ARNT: variants seen among roughly 807,000 people sequenced by gnomAD.
ARNT encodes aryl hydrocarbon receptor nuclear translocator.
A neutral mutation model predicts 105.0 loss-of-function variants in ARNT; 30 were observed. The ratio of observed to expected loss-of-function variants is 0.29; its 90% CI spans 0.21 to 0.39. ARNT has a LOEUF of 0.39. ARNT is among the 10% of genes least tolerant of loss of function. ARNT has a pLI of 1.00. For missense variants in ARNT, 748 were observed against 978.7 expected, an observed-to-expected ratio of 0.76 and a Z score of 3.15; for synonymous variants, 304 against 344.0, an observed-to-expected ratio of 0.88 and a Z score of 1.29.
intron 2 of ARNT, among the ~76,000 whole-genome samples, chr1:150,854,857 C>CAA (rs769273005): frequency 0.024 from 741 of 31,444 alleles, 6 homozygotes; most frequent in Non-Finnish European, 0.033. Flanking sequence ...AACTACATCT[C>CAA]AAAAAAAAAA....
chr1:150,829,995 C>A lies in ARNT; in HGVS notation c.956-15G>T. ...GAGGGAAACACCTTCAGAAACGTGA[C>A]GTTAAAAGGTTTAACGGGGACCTCC... On this transcript the variant is annotated splice_polypyrimidine_tract_variant and intron_variant, in intron 10 of 21. Transcript: ENST00000358595. 6.2e-7 allele frequency: 1 copy of A among 1,614,016 alleles called. No individual in the cohort carries two copies. The highest frequency in any genetic ancestry group is 8.5e-7 in the Non-Finnish European group (1 of 1,179,952).
Position 150,814,263 on chromosome 1 carries a change from A to G in ARNT, c.1951-24T>C, listed in dbSNP as rs764343466. The G allele has an allele frequency of 1.1e-5, 18 of 1,609,922 alleles. No homozygotes were observed. In the South Asian group the frequency reaches 1.7e-4, roughly 15 times the overall value. On this transcript the variant is annotated intron_variant, in intron 19 of 21. Coordinates refer to ENST00000358595, the MANE Select transcript of ARNT (RefSeq NM_001668.4). ...TGCTAAAGAGAGATGGAGAGGGGAT[A>G]TAGAACAAATACAGCATTAACATCA...
intron 1 of ARNT, among the ~76,000 whole-genome samples, chr1:150,870,246 C>G (rs1037045392): frequency 2.0e-5 from 3 of 152,096 alleles, no homozygotes; most frequent in Non-Finnish European, 4.4e-5. Context: ...TAAATGAGAA[C>G]AGCTGGTAAG....
At chr1:150,831,675 T>C in intron 10 of ARNT, 143 bp downstream of exon 10, 3 of 598,728 alleles carry the variant, frequency 5.0e-6, no homozygotes, top group Non-Finnish European at 8.7e-6. Flanking sequence ...AAGGGAAGGA[T>C]TGTACATTTT....
At chr1:150,861,492 T>C (rs1418863836) in intron 1 of ARNT, among the ~76,000 whole-genome samples, 1 of 152,212 alleles carries the variant, frequency 6.6e-6, no homozygotes, top group Non-Finnish European at 1.5e-5. Context: ...GCAACCCAAG[T>C]GTCTATCTAC....
chr1:150,814,673 T>G (rs1050204070), intron 19 of ARNT, among the ~76,000 whole-genome samples: 2 of 152,006 alleles, frequency 1.3e-5, no homozygotes, highest in African/African-American at 4.8e-5. Flanking sequence ...GAAATCCCCG[T>G]CTCTACTAAA....
intron 7 of ARNT, 108 bp downstream of exon 7, chr1:150,836,172 A>C: frequency 2.0e-6 from 2 of 1,014,824 alleles, no homozygotes; most frequent in Non-Finnish European, 2.9e-6. Flanking sequence ...AAATTCTTGA[A>C]GCCTTGCCAG....
chr1:150,837,362 C>T (rs140227995), intron 6 of ARNT, among the ~76,000 whole-genome samples: 203 of 152,180 alleles, frequency 1.3e-3, no homozygotes, highest in African/African-American at 4.6e-3. Context: ...TACTGTTTTC[C>T]TGTTTGGTTT....
intron 1 of ARNT, among the ~76,000 whole-genome samples, chr1:150,868,272 T>C (rs1016696687): frequency 5.3e-5 from 8 of 151,782 alleles, no homozygotes; most frequent in East Asian, 1.9e-4. Flanking sequence ...GTGGGCAACA[T>C]AGCAAGACCC....
Position 150,816,248 on chromosome 1 carries a change from A to T in ARNT, c.1950+11T>A, listed in dbSNP as rs587691222. 1 of 1,595,388 alleles carries T rather than the reference A, an allele frequency of 6.3e-7. No homozygotes were observed. Among genetic ancestry groups the T allele is most frequent in the Non-Finnish European group, 8.5e-7 (1 of 1,174,714 alleles). On this transcript the variant is annotated intron_variant, in intron 19 of 21. Transcript: ENST00000358595. Reference sequence around the variant, plus strand: ...ATAATACACAGGGAACACACAGATGATAAGTTTTACCTGGGCAGAAAAGCC... The same window carrying T: ...ATAATACACAGGGAACACACAGATGTTAAGTTTTACCTGGGCAGAAAAGCC...
Position 150,856,404 on chromosome 1 carries a change from C to A in ARNT, c.137+1945G>T, listed in dbSNP as rs1025796803. Reference sequence around the variant, plus strand: ...ACAGTGAGCTGAGATCACACTACTGCACTCCAGCCTGGGCGACAGAGCGAG... The same window carrying A: ...ACAGTGAGCTGAGATCACACTACTGAACTCCAGCCTGGGCGACAGAGCGAG... On this transcript the variant is annotated intron_variant, in intron 2 of 21. Transcript: ENST00000358595. Among the ~76,000 whole-genome samples the A allele has an allele frequency of 2.0e-5, 3 of 151,946 alleles. No homozygotes were observed. The South Asian group carries it at 6.2e-4, about 31-fold the overall frequency.
chr1:150,832,439 C>T, intron 8 of ARNT, 40 bp from the exon 9 acceptor site: 5 of 1,598,350 alleles, frequency 3.1e-6, no homozygotes, highest in Non-Finnish European at 4.3e-6. Flanking sequence ...AATCAGACTG[C>T]CCTATCAAAG....
rs2101952506 is a variant in ARNT, at chr1:150,839,628, C to T, written c.299G>A (p.Arg100Gln). 2 of 1,614,004 alleles carry T rather than the reference C, an allele frequency of 1.2e-6. No homozygotes were observed. Among genetic ancestry groups the T allele is most frequent in the Non-Finnish European group, 8.5e-7 (1 of 1,179,996 alleles). ...ARENHSEIER[R>Q]RRNKMTAYIT... ...GTAGGCTGTCATCTTGTTCCGTCGCCGCCGTTCAATTTCACTGTGATTTTC... is the reference window on the plus strand; with the variant it reads ...GTAGGCTGTCATCTTGTTCCGTCGCTGCCGTTCAATTTCACTGTGATTTTC... The change falls in exon 6 of 22, where the codon CGG (arginine) becomes CAG (glutamine). Residue 100 changes from arginine (R) to glutamine (Q), a missense_variant. By Grantham distance (43) the Arg-to-Gln change is conservative. Around this residue, in one of 4 missense-constraint regions of ARNT, gnomAD observed 291 missense variants for 444.6 expected, o/e 0.65. Transcript: ENST00000358595.
intron 2 of ARNT, among the ~76,000 whole-genome samples, chr1:150,856,162 C>T (rs184038168): frequency 3.9e-5 from 6 of 152,232 alleles, no homozygotes; most frequent in African/African-American, 1.2e-4. Context: ...AAATATGGGC[C>T]GGGTGCAGTG....
Position 150,812,004 on chromosome 1 carries a change from T to C in ARNT, c.*17A>G. ...GTGATTTTTTCTCCCCCACCCCTTA[T>C]CCTCACCCCAATAGTTCTATTCTGA... On this transcript the variant is annotated 3_prime_UTR_variant, in exon 22 of 22. Transcript: ENST00000358595. The C allele has an allele frequency of 6.8e-7, 1 of 1,476,838 alleles. No individual in the cohort carries two copies. Among genetic ancestry groups the C allele is most frequent in the Admixed American group, 2.2e-5 (1 of 44,680 alleles). 91.5% of individuals were successfully genotyped at this position (1,476,838 alleles called of 1,614,324 possible). A position where few individuals can be genotyped will look rare whatever the true frequency, so the allele number is the denominator to read the frequency against.
intron 20 of ARNT, 32 bp from the exon 21 acceptor site, chr1:150,813,370 C>T (rs945731876): frequency 1.9e-6 from 3 of 1,556,480 alleles, no homozygotes; most frequent in Non-Finnish European, 2.6e-6. Flanking sequence ...ATAAACAACT[C>T]CAATCTACAC....
At chr1:150,850,709 C>A (rs1396364119) in intron 3 of ARNT, among the ~76,000 whole-genome samples, 2 of 152,232 alleles carry the variant, frequency 1.3e-5, no homozygotes, top group Non-Finnish European at 2.9e-5. Flanking sequence ...GCCACCCCGT[C>A]TGGGAAGTGA....
chr1:150,855,985 T>C (rs1212248704), intron 2 of ARNT, among the ~76,000 whole-genome samples: 2 of 152,198 alleles, frequency 1.3e-5, no homozygotes, highest in Non-Finnish European at 2.9e-5. Context: ...GCTTATTATT[T>C]ATATAAGGTG....
intron 4 of ARNT, 91 bp from the exon 5 acceptor site, chr1:150,842,559 G>A: frequency 9.2e-7 from 1 of 1,088,182 alleles, no homozygotes; most frequent in South Asian, 1.4e-5. Flanking sequence ...GAAGGAGGGA[G>A]GGAGAGGAAA....
Sources: gnomAD v4.1 joint callset for allele counts (sites outside exome capture counted in the v4.1 genomes callset) on GRCh38, gnomAD v4.1.1 for gene constraint, gnomAD v4.1.1 regional missense constraint, MANE v1.5 for transcripts, NCBI Gene and HGNC (gene_info 2026-07-23, HGNC 2026-07-21) for gene names.